The following RPL28 variants were observed in gnomAD, a reference collection of about 807,000 sequenced individuals.
RPL28 encodes large ribosomal subunit protein eL28.
A neutral mutation model predicts 12.5 loss-of-function variants in RPL28; 4 were observed. The observed-to-expected ratio is 0.32, with a 90% CI of 0.16 to 0.73. The LOEUF (loss-of-function observed/expected upper bound fraction) is 0.73. Ranked by LOEUF, RPL28 falls within the 30% of genes least tolerant of loss-of-function variation. RPL28 has a pLI of 0.66. For missense variants in RPL28, 214 were observed against 197.7 expected (o/e 1.08, Z -0.49); for synonymous variants, 91 against 72.5 (o/e 1.26, Z -1.30).
intron 3 of RPL28, chr19:55,387,007 G>GGAT (rs2089937279): frequency 6.9e-7 from 1 of 1,441,822 alleles, no homozygotes; most frequent in Non-Finnish European, 9.1e-7. Flanking sequence ...GGGTGGGGAT[G>GGAT]GATGGTTTCA....
At chr19:55,387,053 G>T in intron 3 of RPL28, 1 of 1,438,680 alleles carries the variant, frequency 7.0e-7, no homozygotes, top group Non-Finnish European at 9.1e-7. Context: ...CAACAGGGGA[G>T]GGGCCCTCGC....
Position 55,388,320 on chromosome 19 carries a change from C to T in RPL28, c.402C>T (p.Thr134=), listed in dbSNP as rs2089956550. ...TGAAGAGGAAGCGGACCCGCCCCAC[C>T]AAGAGCTCCTGAGCCCCCTGCCCCC... The part of the protein sequence containing the change: ...VMVKRKRTRP[T]KSS The change falls in exon 5 of 5, where the codon ACC becomes ACT. Residue 134 remains threonine, a synonymous_variant. Transcript: ENST00000344063. 6.4e-7 allele frequency: 1 copy of T among 1,572,844 alleles called. No homozygotes were observed. The highest frequency in any genetic ancestry group is 8.6e-7 in the Non-Finnish European group (1 of 1,160,952).
chr19:55,387,603 A>G (rs983208446), intron 3 of RPL28: 2 of 1,400,544 alleles, frequency 1.4e-6, no homozygotes, highest in Non-Finnish European at 1.8e-6. Context: ...AGCTGTTCAT[A>G]CCCATTGCCA....
chr19:55,397,632 G>T lies in RPL28; in HGVS notation c.325-5311G>T, dbSNP rs566449641. ...CCTGATCTTGTGATCCACCCGCCTC[G>T]ACCTCCCAAAGTGCTGGGATTATAG... is the stretch of plus-strand genomic sequence containing the variant. On this transcript the variant is annotated intron_variant, in intron 4 of 4. Transcript: ENST00000560055. Among the ~76,000 whole-genome samples, 1,135 of 152,062 alleles carry T rather than the reference G, an allele frequency of 7.5e-3. 18 individuals are homozygous for T. The highest frequency in any genetic ancestry group is 0.026 in the African/African-American group (1,060 of 41,508).
At chr19:55,398,331 C>T (rs1274497704) in intron 4 of RPL28, among the ~76,000 whole-genome samples, 7 of 152,180 alleles carry the variant, frequency 4.6e-5, no homozygotes, top group Non-Finnish European at 7.3e-5. Flanking sequence ...AAATGAAAAC[C>T]AAACCGAAAC....
intron 4 of RPL28, chr19:55,401,434 C>T (rs778022859): frequency 1.3e-6 from 2 of 1,596,092 alleles, no homozygotes; most frequent in Non-Finnish European, 1.7e-6. Context: ...GAAGAGAGCC[C>T]ACTACAGCCG....
At chr19:55,386,281 G>C in intron 1 of RPL28, 69 bp from the exon 2 acceptor site, 1 of 1,439,370 alleles carries the variant, frequency 6.9e-7, no homozygotes, top group South Asian at 1.2e-5. Flanking sequence ...CTGTCCGAGC[G>C]TGGCCCGTGG....
intron 4 of RPL28, chr19:55,401,777 T>A (rs774987019): frequency 6.2e-7 from 1 of 1,612,898 alleles, no homozygotes; most frequent in Non-Finnish European, 8.5e-7. Flanking sequence ...GGGAAGAGGC[T>A]CAGGGTCACA....
chr19:55,386,374 A>T lies in RPL28; in HGVS notation c.17A>T (p.Gln6Leu). The T allele has an allele frequency of 6.2e-7, 1 of 1,614,058 alleles. No individual in the cohort carries two copies. The highest frequency in any genetic ancestry group is 8.5e-7 in the Non-Finnish European group (1 of 1,180,000). Residue 6 changes from glutamine (Q) to leucine (L), a missense_variant, in exon 2 of 5, where the codon CAA becomes CTA. Physicochemically the swap from Gln to Leu is moderately radical, Grantham distance 113. Transcript: ENST00000344063. ...GCCGCCGCCATGTCTGCGCATCTGCAATGGATGGTCGTGCGGAACTGCTCC... is the reference window on the plus strand; with the variant it reads ...GCCGCCGCCATGTCTGCGCATCTGCTATGGATGGTCGTGCGGAACTGCTCC... MSAHL[Q>L]WMVVRNCSSF...
chr19:55,401,794 C>T (rs764907956), intron 4 of RPL28: 19 of 1,611,366 alleles, frequency 1.2e-5, no homozygotes, highest in African/African-American at 6.7e-5. Context: ...CACAGTGGGT[C>T]GGGCAACCTA....
chr19:55,402,484 GC>G (rs2090067323), intron 4 of RPL28, among the ~76,000 whole-genome samples: 1 of 152,218 alleles, frequency 6.6e-6, no homozygotes, highest in South Asian at 2.1e-4. Flanking sequence ...CTGCAGCCAG[GC>G]CTCCAGCAGC....
intron 3 of RPL28, 24 bp from the exon 4 acceptor site, chr19:55,387,906 A>G (rs1161690064): frequency 6.5e-7 from 1 of 1,543,166 alleles, no homozygotes. Context: ...GACTGACCCC[A>G]GGACCTCCCT....
In RPL28 at chr19:55,401,789, T is replaced by C. The variant is rs1275978138; in HGVS notation, c.325-1154T>C. On this transcript the variant is annotated intron_variant, in intron 4 of 4. Transcript: ENST00000560055. ...TGTGGGAAGAGGCTCAGGGTCACAGTGGGTCGGGCAACCTACAGGGACCCC... is the reference window on the plus strand; with the variant it reads ...TGTGGGAAGAGGCTCAGGGTCACAGCGGGTCGGGCAACCTACAGGGACCCC... The C allele has an allele frequency of 6.8e-6, 11 of 1,612,180 alleles. No individual in the cohort carries two copies. The East Asian group carries it at 2.2e-4, about 33-fold the overall frequency.
chr19:55,397,431 GTGC>G (rs2090031254), intron 4 of RPL28, among the ~76,000 whole-genome samples: 1 of 152,152 alleles, frequency 6.6e-6, no homozygotes. Flanking sequence ...CCAGGCTGGA[GTGC>G]AGTGGCGCGA....
intron 3 of RPL28, chr19:55,386,899 A>G (rs1044270997): frequency 2.7e-6 from 4 of 1,505,656 alleles, no homozygotes; most frequent in African/African-American, 2.8e-5. Context: ...CCTCACCTGT[A>G]AAGTGGAGAA....
chr19:55,394,128 G>A (rs2090008716), downstream of RPL28, among the ~76,000 whole-genome samples: 1 of 152,114 alleles, frequency 6.6e-6, no homozygotes, highest in African/African-American at 2.4e-5. Flanking sequence ...CAGATGTGGT[G>A]GTGTGCGCCT....
rs2089987265 is a variant in RPL28, at chr19:55,391,218, A to G, written c.*2886A>G. 1 of 241,280 alleles carries G rather than the reference A, an allele frequency of 4.1e-6. No homozygotes were observed. Among genetic ancestry groups the G allele is most frequent in the Non-Finnish European group, 7.4e-6 (1 of 135,296 alleles). 14.9% of individuals were successfully genotyped at this position (241,280 alleles called of 1,614,324 possible). A position where few individuals can be genotyped will look rare whatever the true frequency, so the allele number is the denominator to read the frequency against. The stretch of plus-strand genomic sequence containing the variant: ...CCGGCAGCATTCCCAGCTCAGGGCT[A>G]ATGGTTCACGGAAGCCAGGAATCAA... On this transcript the variant is annotated 3_prime_UTR_variant, in exon 5 of 5. Transcript: ENST00000344063.
downstream of RPL28, among the ~76,000 whole-genome samples, chr19:55,394,847 G>A (rs1227190626): frequency 6.6e-6 from 1 of 152,152 alleles, no homozygotes; most frequent in East Asian, 1.9e-4. Context: ...GTGAGCCACT[G>A]TGCCTGGCCC....
At chr19:55,395,950 T>TA (rs1208350296), downstream of RPL28, among the ~76,000 whole-genome samples, 2 of 152,178 alleles carry the variant, frequency 1.3e-5, no homozygotes, top group Non-Finnish European at 2.9e-5. Context: ...TAGTGTCCCA[T>TA]ACAAGGCATA....
Sources: allele counts gnomAD v4.1 joint callset (sites outside exome capture counted in the v4.1 genomes callset), GRCh38; gene constraint gnomAD v4.1.1; transcripts MANE v1.5; gene names NCBI Gene and HGNC (gene_info 2026-07-23, HGNC 2026-07-21).